The following FAM13A variants were observed in gnomAD, a reference collection of about 807,000 sequenced individuals.
The protein encoded by FAM13A is family with sequence similarity 13 member A, also known as protein FAM13A.
FAM13A carries 76 observed loss-of-function variants against 129.6 expected under a neutral mutation model. The observed-to-expected ratio is 0.59, with a 90% CI of 0.49 to 0.71. FAM13A has a LOEUF of 0.71. Among genes scored for constraint, FAM13A ranks in the 30% least tolerant of loss-of-function variants. The pLI, the probability that FAM13A is intolerant of heterozygous loss-of-function variation, is 0.00. For missense variants in FAM13A, 1,108 were observed against 1,249.3 expected (o/e 0.89, Z 1.70); for synonymous variants, 443 against 449.9 (o/e 0.98, Z 0.20).
intron 3 of FAM13A, among the ~76,000 whole-genome samples, chr4:89,009,930 G>A (rs1392718938): frequency 6.6e-6 from 1 of 152,164 alleles, no homozygotes; most frequent in Non-Finnish European, 1.5e-5. Context: ...AGTTAAGACG[G>A]CCCTTTTGAG....
At chr4:88,836,311 T>A (rs1734793707) in intron 7 of FAM13A, among the ~76,000 whole-genome samples, 1 of 152,222 alleles carries the variant, frequency 6.6e-6, no homozygotes, top group African/African-American at 2.4e-5. Context: ...TAGTAGTCAG[T>A]AATACATTTC....
intron 6 of FAM13A, among the ~76,000 whole-genome samples, chr4:88,875,931 C>T (rs925650212): frequency 3.9e-5 from 6 of 152,162 alleles, no homozygotes; most frequent in African/African-American, 1.4e-4. Context: ...GAAAATGTGG[C>T]ACATATACAC....
At chr4:88,846,143 G>A (rs1736607556) in intron 7 of FAM13A, among the ~76,000 whole-genome samples, 1 of 152,106 alleles carries the variant, frequency 6.6e-6, no homozygotes, top group Admixed American at 6.6e-5. Flanking sequence ...ATAGTACCTT[G>A]AAAGAAGGCC....
At chr4:88,740,929 G>A (rs970045396) in intron 19 of FAM13A, among the ~76,000 whole-genome samples, 1 of 152,102 alleles carries the variant, frequency 6.6e-6, no homozygotes, top group African/African-American at 2.4e-5. Context: ...AAAACTAGAA[G>A]GGACCCAAAT....
chr4:89,020,263 GT>G (rs34554002), intron 3 of FAM13A, among the ~76,000 whole-genome samples, 196 bp downstream of exon 3: 111,630 of 142,656 alleles, frequency 0.78, 43,809 homozygotes, highest in Middle Eastern at 0.86. Context: ...AATAAAACTG[GT>G]TTTTTTTTTT....
Position 88,747,625 on chromosome 4 carries a change from T to C in FAM13A, c.2382+6A>G. ...TAGGGCTTAGCACTTCACAGAATGA[T>C]CGCACCTTAATGTCCTCAGGGCGGC... is the stretch of plus-strand genomic sequence containing the variant. On this transcript the variant is annotated splice_donor_region_variant and intron_variant, in intron 18 of 23. Transcript: ENST00000264344. 1 of 1,612,740 alleles carries C rather than the reference T, an allele frequency of 6.2e-7. No individual in the cohort carries two copies. Among genetic ancestry groups the C allele is most frequent in the African/African-American group, 1.3e-5 (1 of 75,020 alleles).
intron 6 of FAM13A, among the ~76,000 whole-genome samples, chr4:88,887,650 C>T (rs1744669731): frequency 6.6e-6 from 1 of 151,648 alleles, no homozygotes; most frequent in African/African-American, 2.4e-5. Context: ...CTTGCCTTAG[C>T]CTCCCAAATA....
chr4:89,009,091 C>A (rs1765418027), intron 3 of FAM13A: 1 of 151,834 alleles, frequency 6.6e-6, no homozygotes, highest in African/African-American at 2.4e-5. Context: ...TTAAAAAAAA[C>A]AAAACAAAAC....
At chr4:88,996,733 G>C (rs1440597129) in intron 3 of FAM13A, among the ~76,000 whole-genome samples, 1 of 151,836 alleles carries the variant, frequency 6.6e-6, no homozygotes, top group African/African-American at 2.4e-5. Flanking sequence ...TTGAAATGTA[G>C]TTGATGTCTC....
At chr4:88,772,363 T>C (rs1046387812) in intron 11 of FAM13A, among the ~76,000 whole-genome samples, 1 of 152,236 alleles carries the variant, frequency 6.6e-6, no homozygotes, top group Middle Eastern at 3.2e-3. Flanking sequence ...TCATAAAAGA[T>C]GCCTAAGAAA....
intron 4 of FAM13A, among the ~76,000 whole-genome samples, chr4:88,958,847 T>A (rs1405410338): frequency 6.6e-6 from 1 of 152,168 alleles, no homozygotes; most frequent in Non-Finnish European, 1.5e-5. Context: ...CAACATCCTG[T>A]AAGTTTAGCC....
intron 10 of FAM13A, among the ~76,000 whole-genome samples, chr4:88,781,886 TG>T (rs775245656): frequency 1.2e-3 from 185 of 151,554 alleles, no homozygotes; most frequent in Non-Finnish European, 2.0e-3. Flanking sequence ...ATATACCTAA[TG>T]CTAAATGACG....
intron 5 of FAM13A, among the ~76,000 whole-genome samples, chr4:88,933,150 C>A (rs1753315249): frequency 6.6e-6 from 1 of 152,118 alleles, no homozygotes; most frequent in South Asian, 2.1e-4. Flanking sequence ...AACAGCAACA[C>A]TGTCTAATAA....
chr4:89,012,358 T>C (rs996721695), intron 3 of FAM13A, among the ~76,000 whole-genome samples: 1 of 152,182 alleles, frequency 6.6e-6, no homozygotes, highest in Non-Finnish European at 1.5e-5. Context: ...AAGCCTAACA[T>C]GGCAATAGGA....
At chr4:88,894,534 T>C (rs1745954027) in intron 6 of FAM13A, among the ~76,000 whole-genome samples, 1 of 152,166 alleles carries the variant, frequency 6.6e-6, no homozygotes, top group South Asian at 2.1e-4. Context: ...ATTTTATTTT[T>C]ATTTTTTGAT....
At chr4:88,952,290 C>T (rs752367240) in intron 4 of FAM13A, among the ~76,000 whole-genome samples, 4 of 152,068 alleles carry the variant, frequency 2.6e-5, no homozygotes, top group East Asian at 1.9e-4. Flanking sequence ...TGTTCTTCAC[C>T]GAGAGCTCAG....
intron 6 of FAM13A, among the ~76,000 whole-genome samples, chr4:88,896,531 G>A (rs1315104832): frequency 6.6e-6 from 1 of 152,070 alleles, no homozygotes; most frequent in Non-Finnish European, 1.5e-5. Context: ...TTAAGTATCT[G>A]GTTTACTTTG....
At chr4:88,877,053 T>C (rs181302453) in intron 6 of FAM13A, among the ~76,000 whole-genome samples, 1 of 152,312 alleles carries the variant, frequency 6.6e-6, no homozygotes, top group African/African-American at 2.4e-5. Context: ...ATTGTAAGCT[T>C]ACATATGGAA....
At chr4:88,809,854 A>C (rs577728078) in intron 7 of FAM13A, among the ~76,000 whole-genome samples, 1 of 151,460 alleles carries the variant, frequency 6.6e-6, no homozygotes, top group Non-Finnish European at 1.5e-5. Flanking sequence ...TAAAAAAAAA[A>C]AAGTCCCGGT....
Sources: gnomAD v4.1 joint callset for allele counts (sites outside exome capture counted in the v4.1 genomes callset) on GRCh38, gnomAD v4.1.1 for gene constraint, MANE v1.5 for transcripts, NCBI Gene and HGNC (gene_info 2026-07-23, HGNC 2026-07-21) for gene names.